COL21A1: variants seen among roughly 807,000 people sequenced by gnomAD.
The protein encoded by COL21A1 is collagen alpha-1(XXI) chain.
A neutral mutation model predicts 137.9 loss-of-function variants in COL21A1; 149 were observed. That is an observed-to-expected ratio of 1.08 (90% CI 0.95 to 1.24). COL21A1 has a LOEUF of 1.24. Ranked by LOEUF, COL21A1 falls within the 50% of genes most tolerant of loss-of-function variation. The pLI is 0.00. For synonymous variants in COL21A1, 456 were observed against 391.5 expected (o/e 1.16, Z -1.95); for missense variants, 1,167 against 1,158.4 (o/e 1.01, Z -0.11).
chr6:56,092,409 TATC>T (rs1288274708), intron 17 of COL21A1, among the ~76,000 whole-genome samples: 2 of 152,178 alleles, frequency 1.3e-5, no homozygotes, highest in Non-Finnish European at 2.9e-5. Context: ...GCACATTAAG[TATC>T]ATCCATTTAA....
intron 1 of COL21A1, among the ~76,000 whole-genome samples, chr6:56,345,688 A>G (rs1765581437): frequency 6.6e-6 from 1 of 152,216 alleles, no homozygotes. Flanking sequence ...ATGTGTTGAC[A>G]GCTAAGTTTT....
intron 1 of COL21A1, among the ~76,000 whole-genome samples, chr6:56,312,190 T>A (rs1024389867): frequency 2.0e-5 from 3 of 152,236 alleles, no homozygotes; most frequent in East Asian, 3.8e-4. Flanking sequence ...ATCTTAAGAT[T>A]GTTTGATCTA....
rs1291868177 is a variant in COL21A1, at chr6:56,126,298, G to GAA, written c.1543-151_1543-150dup. ...CATATCAGCATTCAATTATCTCTAT[G>GAA]AAAAATTATCCCTACTTTTCAGGGT... On this transcript the variant is annotated intron_variant, in intron 12 of 29. Coordinates refer to ENST00000244728, the MANE Select transcript of COL21A1 (RefSeq NM_030820.4). The GAA allele has an allele frequency of 2.3e-5, 13 of 575,330 alleles. No individual in the cohort carries two copies. In the Admixed American group the frequency reaches 4.4e-4, roughly 19 times the overall value. The allele number at this position is 575,330 out of a possible 1,614,324, so 35.6% of individuals were successfully genotyped here. A position where few individuals can be genotyped will look rare whatever the true frequency, so the allele number is the denominator to read the frequency against.
At chr6:56,233,780 T>C (rs1307023901) in intron 1 of COL21A1, among the ~76,000 whole-genome samples, 1 of 139,876 alleles carries the variant, frequency 7.1e-6, no homozygotes, top group Non-Finnish European at 1.5e-5. Flanking sequence ...TTGTGAAAAG[T>C]TATAATTCAA....
chr6:56,174,878 C>T (rs966213149), intron 3 of COL21A1, among the ~76,000 whole-genome samples: 1 of 151,976 alleles, frequency 6.6e-6, no homozygotes, highest in Non-Finnish European at 1.5e-5. Flanking sequence ...AGCCAATATC[C>T]CTGATGAATA....
chr6:56,321,519 T>C (rs1764867306), intron 1 of COL21A1, among the ~76,000 whole-genome samples: 2 of 152,216 alleles, frequency 1.3e-5, no homozygotes, highest in Admixed American at 1.3e-4. Context: ...TCTTACTTGC[T>C]GTTTATGTTT....
At chr6:56,124,412 T>C in intron 14 of COL21A1, 120 bp from the exon 15 acceptor site, 2 of 902,840 alleles carry the variant, frequency 2.2e-6, no homozygotes, top group Non-Finnish European at 1.7e-6. Context: ...CTCATGGAAC[T>C]ACAACTCATG....
intron 1 of COL21A1, among the ~76,000 whole-genome samples, chr6:56,367,152 A>ATTTAAAATG (rs966810389): frequency 4.6e-5 from 7 of 152,184 alleles, no homozygotes; most frequent in Admixed American, 2.0e-4. Context: ...TTTAGAATTG[A>ATTTAAAATG]TTTAAAATGC....
At chr6:56,111,092 G>T (rs539183738) in intron 16 of COL21A1, among the ~76,000 whole-genome samples, 2 of 151,502 alleles carry the variant, frequency 1.3e-5, no homozygotes, top group East Asian at 3.9e-4. Flanking sequence ...TTTTCATCTG[G>T]GTAGCATGTA....
chr6:56,071,900 C>G lies in COL21A1; in HGVS notation c.1966-1102G>C, dbSNP rs150450684. Among the ~76,000 whole-genome samples, 22 of 151,490 alleles carry G rather than the reference C, an allele frequency of 1.5e-4. No homozygotes were observed. In the East Asian group the frequency reaches 4.1e-3, roughly 28 times the overall value. On this transcript the variant is annotated intron_variant, in intron 20 of 29. Coordinates refer to ENST00000244728, the MANE Select transcript of COL21A1 (RefSeq NM_030820.4). Reference sequence around the variant, plus strand: ...CATGTGCCACGGTGGTTTGCTGCACCTATCAACCCATCACCTAGGTATTAA... The same window carrying G: ...CATGTGCCACGGTGGTTTGCTGCACGTATCAACCCATCACCTAGGTATTAA...
chr6:56,261,013 T>C (rs1763260838), intron 1 of COL21A1, among the ~76,000 whole-genome samples: 1 of 148,866 alleles, frequency 6.7e-6, no homozygotes, highest in South Asian at 2.2e-4. Context: ...CAAGTTTCAA[T>C]GTCTTAATGA....
intron 17 of COL21A1, among the ~76,000 whole-genome samples, chr6:56,098,334 C>A (rs1248857627): frequency 2.2e-4 from 6 of 26,888 alleles, no homozygotes; most frequent in Admixed American, 7.8e-4. Flanking sequence ...AATATATAAA[C>A]ACATATGTAA....
chr6:56,210,935 G>T (rs1205807044), intron 1 of COL21A1, among the ~76,000 whole-genome samples: 1 of 151,724 alleles, frequency 6.6e-6, no homozygotes, highest in African/African-American at 2.4e-5. Flanking sequence ...AGATATTTTT[G>T]AGTCAATCAG....
intron 9 of COL21A1, among the ~76,000 whole-genome samples, chr6:56,159,583 T>C (rs1582516329): frequency 1.3e-5 from 2 of 151,308 alleles, no homozygotes; most frequent in Admixed American, 1.3e-4. Context: ...CATCCACCTC[T>C]GCCTCCCAAA....
rs537849609 is a variant in COL21A1 at position 56,307,518 on chromosome 6, A to G, written c.-39+86453T>C. 2.0e-5 allele frequency among the ~76,000 whole-genome samples: 3 copies of G among 152,340 alleles called. No individual in the cohort carries two copies. In the South Asian group the frequency reaches 6.2e-4, roughly 32 times the overall value. On this transcript the variant is annotated intron_variant, in intron 1 of 28. Coordinates refer to the COL21A1 transcript ENST00000370819. ...AGGCTCCGTGGGCGTAGGACCCTCC[A>G]AGCCAGGCACGGGATATAATCTCCT...
At chr6:56,360,341 C>A (rs1350572005) in intron 1 of COL21A1, among the ~76,000 whole-genome samples, 1 of 152,140 alleles carries the variant, frequency 6.6e-6, no homozygotes, top group Non-Finnish European at 1.5e-5. Flanking sequence ...AGAACAGATG[C>A]TAGACTCAGG....
intron 1 of COL21A1, among the ~76,000 whole-genome samples, chr6:56,277,852 C>T (rs1181983998): frequency 2.0e-5 from 3 of 152,174 alleles, no homozygotes; most frequent in Non-Finnish European, 4.4e-5. Context: ...ACAGACTTAA[C>T]ATGTATATTT....
chr6:56,302,339 C>G (rs1299619596), intron 1 of COL21A1, among the ~76,000 whole-genome samples: 1 of 152,114 alleles, frequency 6.6e-6, no homozygotes, highest in Non-Finnish European at 1.5e-5. Flanking sequence ...GTTTACAGTC[C>G]CACCAACAGT....
At chr6:56,311,373 C>T (rs909642091) in intron 1 of COL21A1, among the ~76,000 whole-genome samples, 2 of 152,148 alleles carry the variant, frequency 1.3e-5, no homozygotes, top group African/African-American at 2.4e-5. Flanking sequence ...CAGGCAGTAC[C>T]GCCCTAATTA....
Sources: allele counts gnomAD v4.1 joint callset (sites outside exome capture counted in the v4.1 genomes callset), GRCh38; gene constraint gnomAD v4.1.1; transcripts MANE v1.5; gene names NCBI Gene and HGNC (gene_info 2026-07-23, HGNC 2026-07-21).